The following CD86 variants were observed in gnomAD, a reference collection of about 807,000 sequenced individuals.
CD86 encodes the protein CD86 molecule, also known as T-lymphocyte activation antigen CD86.
CD86 carries 11 observed loss-of-function variants against 32.1 expected under a neutral mutation model. The ratio of observed to expected loss-of-function variants is 0.34; its 90% CI spans 0.22 to 0.57. The LOEUF (loss-of-function observed/expected upper bound fraction) is 0.57. CD86 is among the 20% of genes least tolerant of loss of function. The pLI, the probability that CD86 is intolerant of heterozygous loss-of-function variation, is 0.86. For synonymous variants in CD86, 137 were observed against 135.3 expected (o/e 1.01, Z -0.09); for missense variants, 359 against 398.4 (o/e 0.90, Z 0.84).
In CD86 at chr3:122,103,547, G is replaced by A; in HGVS notation, c.100G>A (p.Glu34Lys). The A allele has an allele frequency of 6.2e-7, 1 of 1,613,344 alleles. No homozygotes were observed. The highest frequency in any genetic ancestry group is 8.5e-7 in the Non-Finnish European group (1 of 1,179,662). ...APLKIQAYFN[E>K]TADLPCQFAN... ...TCTGAAGATTCAAGCTTATTTCAAT[G>A]AGACTGCAGACCTGCCATGCCAATT... The change falls in exon 3 of 7, where the codon GAG (glutamate) becomes AAG (lysine). Residue 34 changes from glutamate (E) to lysine (K), a missense_variant. By Grantham distance (56) the Glu-to-Lys change is moderately conservative (BLOSUM62 1). Coordinates refer to ENST00000330540, the MANE Select transcript of CD86 (RefSeq NM_175862.5).
At chr3:122,062,352 C>A (rs2072351161) in intron 1 of CD86, among the ~76,000 whole-genome samples, 1 of 152,052 alleles carries the variant, frequency 6.6e-6, no homozygotes, top group East Asian at 1.9e-4. Context: ...AAGCAGACAC[C>A]CATTCTGGGC....
At chr3:122,067,904 G>A (rs1559897851) in intron 1 of CD86, among the ~76,000 whole-genome samples, 1 of 152,164 alleles carries the variant, frequency 6.6e-6, no homozygotes, top group Non-Finnish European at 1.5e-5. Context: ...GATGGAAGTA[G>A]CAGGGAGCTG....
At position 122,107,876 on chromosome 3, in the gene CD86, G is replaced by A. The variant is rs894561728; in HGVS notation, c.703+1376G>A. Among the ~76,000 whole-genome samples the A allele has an allele frequency of 9.8e-5, 15 of 152,340 alleles. No individual in the cohort carries two copies. In the East Asian group the frequency reaches 2.7e-3, roughly 27 times the overall value. ...GACTTCTTCCTATTCAGACACTTCAGCCTCTGAGAATCCAGTAAATGGTGG... is the reference window on the plus strand; with the variant it reads ...GACTTCTTCCTATTCAGACACTTCAACCTCTGAGAATCCAGTAAATGGTGG... On this transcript the variant is annotated intron_variant, in intron 4 of 6. Transcript: ENST00000330540.
intron 4 of CD86, among the ~76,000 whole-genome samples, chr3:122,108,862 G>A (rs2073129766): frequency 6.6e-6 from 1 of 152,200 alleles, no homozygotes; most frequent in African/African-American, 2.4e-5. Context: ...ATCATCACGA[G>A]AGGAACTTCA....
intron 1 of CD86, among the ~76,000 whole-genome samples, chr3:122,078,336 A>C (rs1026276258): frequency 1.3e-5 from 2 of 152,216 alleles, no homozygotes; most frequent in Non-Finnish European, 2.9e-5. Context: ...AATAATTGGC[A>C]GCTGTTCTTG....
chr3:122,087,287 T>TC (rs959836626), intron 1 of CD86, among the ~76,000 whole-genome samples: 6 of 152,080 alleles, frequency 3.9e-5, no homozygotes, highest in African/African-American at 1.2e-4. Context: ...TCTCAGAGAA[T>TC]CCCCCCGGTA....
chr3:122,100,536 G>A (rs2072982668), intron 2 of CD86, among the ~76,000 whole-genome samples: 1 of 152,164 alleles, frequency 6.6e-6, no homozygotes, highest in South Asian at 2.1e-4. Flanking sequence ...ATAAGCATAG[G>A]AACATAAAGA....
chr3:122,077,997 A>G, intron 1 of CD86: 4 of 985,654 alleles, frequency 4.1e-6, no homozygotes, highest in Non-Finnish European at 4.8e-6. Context: ...TGCTGTGCTT[A>G]TGCATCTGGT....
intron 4 of CD86, among the ~76,000 whole-genome samples, chr3:122,107,519 G>C (rs1384476145): frequency 6.6e-6 from 1 of 152,190 alleles, no homozygotes; most frequent in Non-Finnish European, 1.5e-5. Context: ...AGGAGGGCAT[G>C]TGTCTATATT....
chr3:122,079,486 G>C (rs1291284777), intron 1 of CD86, among the ~76,000 whole-genome samples: 2 of 152,206 alleles, frequency 1.3e-5, no homozygotes, highest in Non-Finnish European at 2.9e-5. Flanking sequence ...TAAAACTAGA[G>C]CAAAAGCAAG....
At chr3:122,090,572 C>T (rs1576773034) in intron 1 of CD86, among the ~76,000 whole-genome samples, 1 of 152,256 alleles carries the variant, frequency 6.6e-6, no homozygotes, top group African/African-American at 2.4e-5. Flanking sequence ...TATCATATTC[C>T]TGTATTTGGT....
intron 2 of CD86, among the ~76,000 whole-genome samples, chr3:122,099,780 T>A (rs1320374448): frequency 6.6e-6 from 1 of 152,232 alleles, no homozygotes; most frequent in Admixed American, 6.5e-5. Flanking sequence ...ATCTTCTCAG[T>A]CATACTAGCT....
intron 1 of CD86, 106 bp from the exon 2 acceptor site, chr3:122,091,495 G>A: frequency 1.1e-6 from 1 of 870,840 alleles, no homozygotes; most frequent in Non-Finnish European, 1.9e-6. Flanking sequence ...GCACACCCGA[G>A]AACCCAAGTG....
intron 2 of CD86, among the ~76,000 whole-genome samples, chr3:122,097,947 A>T (rs2072934981): frequency 6.6e-6 from 1 of 152,182 alleles, no homozygotes; most frequent in Non-Finnish European, 1.5e-5. Context: ...GATTGCAAGT[A>T]TGTGAAAAAG....
intron 2 of CD86, among the ~76,000 whole-genome samples, chr3:122,095,576 G>A (rs1012842162): frequency 2.6e-5 from 4 of 152,158 alleles, no homozygotes; most frequent in African/African-American, 9.7e-5. Context: ...ATATCTGCGT[G>A]GGTGGTTACT....
In CD86 at chr3:122,119,673, T is replaced by A. The variant is rs2073313522; in HGVS notation, c.*139T>A. The A allele has an allele frequency of 8.1e-6, 5 of 616,560 alleles. No individual in the cohort carries two copies. Among genetic ancestry groups the A allele is most frequent in the South Asian group, 8.0e-5 (4 of 49,726 alleles). 38.2% of individuals were successfully genotyped at this position (616,560 alleles called of 1,614,324 possible). A position where few individuals can be genotyped will look rare whatever the true frequency, so the allele number is the denominator to read the frequency against. ...AGGGGGCTCCAGGACTCCCTCTAAGTGGAATAGCCTCCCTGTAACTCCAGC... is the reference window on the plus strand; with the variant it reads ...AGGGGGCTCCAGGACTCCCTCTAAGAGGAATAGCCTCCCTGTAACTCCAGC... On this transcript the variant is annotated 3_prime_UTR_variant, in exon 7 of 7. Coordinates refer to ENST00000330540, the MANE Select transcript of CD86 (RefSeq NM_175862.5).
chr3:122,058,910 A>T (rs1389300899), intron 1 of CD86, among the ~76,000 whole-genome samples: 1 of 152,050 alleles, frequency 6.6e-6, no homozygotes, highest in Non-Finnish European at 1.5e-5. Flanking sequence ...CATTTAAGAG[A>T]TATTTTAGCA....
chr3:122,058,478 T>C (rs1576753924), intron 1 of CD86, among the ~76,000 whole-genome samples: 1 of 152,206 alleles, frequency 6.6e-6, no homozygotes, highest in Non-Finnish European at 1.5e-5. Context: ...TCAGAGCTAC[T>C]GGGGCTTTTG....
At chr3:122,101,918 G>T (rs190897949) in intron 2 of CD86, among the ~76,000 whole-genome samples, 1 of 151,914 alleles carries the variant, frequency 6.6e-6, no homozygotes, top group African/African-American at 2.4e-5. Context: ...ATACCGGTAC[G>T]CATCCTCTAC....
Sources: allele counts gnomAD v4.1 joint callset (sites outside exome capture counted in the v4.1 genomes callset), GRCh38; gene constraint gnomAD v4.1.1; transcripts MANE v1.5; gene names NCBI Gene and HGNC (gene_info 2026-07-23, HGNC 2026-07-21).